Variants in PRKCQ observed in about 807,000 individuals in gnomAD.
PRKCQ encodes protein kinase C theta type.
A neutral mutation model predicts 91.2 loss-of-function variants in PRKCQ; 41 were observed. That is an observed-to-expected ratio of 0.45 (90% confidence interval 0.35 to 0.58). PRKCQ has a LOEUF of 0.58. PRKCQ is among the 20% of genes least tolerant of loss of function. The probability of loss-of-function intolerance (pLI) is 0.00; values close to 1 mark genes in which losing one functional copy is unlikely to be tolerated. For missense variants in PRKCQ, 673 were observed against 896.5 expected, an observed-to-expected ratio of 0.75 and a Z score of 3.18; for synonymous variants, 307 against 316.9, an observed-to-expected ratio of 0.97 and a Z score of 0.33.
At chr10:6,431,740 A>T (rs1833439267) in intron 16 of PRKCQ, among the ~76,000 whole-genome samples, 1 of 150,988 alleles carries the variant, frequency 6.6e-6, no homozygotes, top group African/African-American at 2.5e-5. Context: ...CTAGTCCCAG[A>T]CAGTCAGCTT....
intron 1 of PRKCQ, among the ~76,000 whole-genome samples, chr10:6,565,777 G>C (rs1840816372): frequency 6.6e-6 from 1 of 152,154 alleles, no homozygotes; most frequent in African/African-American, 2.4e-5. Flanking sequence ...TTGGAATTAT[G>C]CAAGTTACTT....
chr10:6,554,370 A>G (rs56810982), intron 1 of PRKCQ, among the ~76,000 whole-genome samples: 27,981 of 150,792 alleles, frequency 0.19, 2,652 homozygotes, highest in East Asian at 0.37. Flanking sequence ...ATTAGGGGAG[A>G]TATGTTTGGG....
At chr10:6,560,479 G>A (rs1042468186) in intron 1 of PRKCQ, among the ~76,000 whole-genome samples, 6 of 152,266 alleles carry the variant, frequency 3.9e-5, no homozygotes, top group South Asian at 2.1e-4. Context: ...GGGAGGCAGC[G>A]CATCATGGAA....
the PRKCQ span, among the ~76,000 whole-genome samples, chr10:6,405,481 C>T: frequency 6.6e-6 from 1 of 152,206 alleles, no homozygotes; most frequent in Non-Finnish European, 1.5e-5. Flanking sequence ...GTTTGCAAAT[C>T]ACCCATGACA....
intron 15 of PRKCQ, among the ~76,000 whole-genome samples, chr10:6,454,966 T>G (rs3793724): frequency 0.07 from 10,618 of 152,068 alleles, 719 homozygotes; most frequent in East Asian, 0.37. Flanking sequence ...AGGTTTGCCG[T>G]GGAAAAGACC....
the PRKCQ span, among the ~76,000 whole-genome samples, chr10:6,412,819 T>G: frequency 6.6e-6 from 1 of 152,262 alleles, no homozygotes; most frequent in Non-Finnish European, 1.5e-5. Context: ...CTTGAGTTAT[T>G]GATCCCTCAG....
chr10:6,449,255 A>C (rs913430619), intron 15 of PRKCQ, among the ~76,000 whole-genome samples: 15 of 149,262 alleles, frequency 1.0e-4, no homozygotes, highest in Non-Finnish European at 2.1e-4. Context: ...GATGGAGCTG[A>C]AAGCCAAGGC....
intron 1 of PRKCQ, among the ~76,000 whole-genome samples, chr10:6,543,280 G>C (rs1251256021): frequency 1.3e-5 from 2 of 152,244 alleles, no homozygotes; most frequent in East Asian, 3.8e-4. Context: ...AGTTCGCGGA[G>C]CTGAAAACAA....
chr10:6,491,853 GC>G (rs1247316651), intron 7 of PRKCQ, 41 bp from the exon 8 acceptor site: 3 of 1,613,362 alleles, frequency 1.9e-6, no homozygotes, highest in African/African-American at 2.7e-5. Flanking sequence ...TATTCCTGGG[GC>G]CCCGACTTTG....
intron 4 of PRKCQ, among the ~76,000 whole-genome samples, chr10:6,500,747 G>A (rs1364310322): frequency 6.6e-6 from 1 of 151,566 alleles, no homozygotes; most frequent in Non-Finnish European, 1.5e-5. Context: ...CTATTTATGT[G>A]GTCTAACCTA....
At chr10:6,567,445 C>T (rs1840874066) in intron 1 of PRKCQ, among the ~76,000 whole-genome samples, 1 of 152,252 alleles carries the variant, frequency 6.6e-6, no homozygotes, top group Non-Finnish European at 1.5e-5. Context: ...GGTGCCAAGT[C>T]TTGCACAGTA....
intron 15 of PRKCQ, among the ~76,000 whole-genome samples, chr10:6,450,522 T>C (rs1015662852): frequency 6.6e-6 from 1 of 151,990 alleles, no homozygotes; most frequent in African/African-American, 2.4e-5. Flanking sequence ...GACAGATCAA[T>C]GAGACAGAAA....
At chr10:6,461,254 C>A (rs971337614) in intron 14 of PRKCQ, among the ~76,000 whole-genome samples, 1 of 152,032 alleles carries the variant, frequency 6.6e-6, no homozygotes, top group Admixed American at 6.5e-5. Flanking sequence ...TCCATTCATC[C>A]AACCATCTGT....
intron 13 of PRKCQ, among the ~76,000 whole-genome samples, chr10:6,462,634 T>C (rs535959662): frequency 6.6e-6 from 1 of 152,332 alleles, no homozygotes; most frequent in Admixed American, 6.5e-5. Flanking sequence ...TGTTCTTATA[T>C]TTTAAACAAT....
the PRKCQ span, among the ~76,000 whole-genome samples, chr10:6,395,949 C>T: frequency 6.6e-6 from 1 of 152,132 alleles, no homozygotes; most frequent in Non-Finnish European, 1.5e-5. Flanking sequence ...GTAGCGTTCC[C>T]TCAGTTTTCC....
At chr10:6,405,661 A>G in the PRKCQ span, among the ~76,000 whole-genome samples, 3 of 152,180 alleles carry the variant, frequency 2.0e-5, no homozygotes, top group Non-Finnish European at 2.9e-5. Context: ...CGTCTTCCCA[A>G]CTATGCCCAA....
chr10:6,524,243 C>G (rs1839121155), intron 1 of PRKCQ, among the ~76,000 whole-genome samples: 1 of 152,214 alleles, frequency 6.6e-6, no homozygotes, highest in African/African-American at 2.4e-5. Context: ...AATGAACTCT[C>G]ATAGACACTT....
rs947445417 is a variant in PRKCQ, at chr10:6,427,787, C to G, written c.*420G>C. The G allele has an allele frequency of 1.6e-5, 3 of 191,090 alleles. No homozygotes were observed. Among genetic ancestry groups the G allele is most frequent in the Middle Eastern group, 2.4e-3 (1 of 418 alleles). 11.8% of individuals were successfully genotyped at this position (191,090 alleles called of 1,614,324 possible). Reference sequence around the variant, plus strand: ...GGCTGAGTGAGATCCGCTACTAGACCAGGCAATGGGGCCGTTTCAGTCTTG... The same window carrying G: ...GGCTGAGTGAGATCCGCTACTAGACGAGGCAATGGGGCCGTTTCAGTCTTG... On this transcript the variant is annotated 3_prime_UTR_variant, in exon 18 of 18. Coordinates refer to ENST00000263125, the MANE Select transcript of PRKCQ (RefSeq NM_006257.5).
chr10:6,453,651 CAA>C (rs1005908265), intron 15 of PRKCQ, among the ~76,000 whole-genome samples: 5 of 152,128 alleles, frequency 3.3e-5, no homozygotes, highest in African/African-American at 9.7e-5. Flanking sequence ...TTCACAATAG[CAA>C]AGACTTGGAA....
Sources: allele counts gnomAD v4.1 joint callset (sites outside exome capture counted in the v4.1 genomes callset), GRCh38; gene constraint gnomAD v4.1.1; transcripts MANE v1.5; gene names NCBI Gene and HGNC (gene_info 2026-07-23, HGNC 2026-07-21).